TRIM3: variants seen among roughly 807,000 people sequenced by gnomAD.
TRIM3 encodes the protein tripartite motif-containing protein 3.
Under a neutral mutation model 66.6 loss-of-function variants are expected in TRIM3, and 13 were observed. The ratio of observed to expected loss-of-function variants is 0.20; its 90% CI spans 0.13 to 0.31. The LOEUF is 0.31. TRIM3 is among the 10% of genes least tolerant of loss of function. TRIM3 has a pLI of 1.00. For missense variants in TRIM3, 711 were observed against 1,020.4 expected (o/e 0.70, Z 4.13); for synonymous variants, 406 against 411.7 (o/e 0.99, Z 0.17).
intron 1 of TRIM3, among the ~76,000 whole-genome samples, chr11:6,470,077 C>T (rs1342296343): frequency 6.6e-6 from 1 of 152,054 alleles, no homozygotes; most frequent in Non-Finnish European, 1.5e-5. Context: ...AAGGATTTAT[C>T]CAAAAAGCAA....
chr11:6,451,782 G>C (rs1849731491), intron 7 of TRIM3: 1 of 283,822 alleles, frequency 3.5e-6, no homozygotes, highest in Non-Finnish European at 6.8e-6. Context: ...ATTGTAAAAG[G>C]CACAAAGTCC....
intron 1 of TRIM3, 105 bp from the exon 2 acceptor site, chr11:6,465,837 G>T: frequency 1.0e-6 from 1 of 998,890 alleles, no homozygotes; most frequent in Non-Finnish European, 1.5e-6. Context: ...CCTCTTCCCT[G>T]CTAGGGGCAA....
Position 6,456,057 on chromosome 11 carries a change from G to A in TRIM3, c.1533+15C>T, listed in dbSNP as rs200528455. 21 of 1,611,922 alleles carry A rather than the reference G, an allele frequency of 1.3e-5. No individual in the cohort carries two copies. The East Asian group carries it at 1.3e-4, about 10-fold the overall frequency. On this transcript the variant is annotated intron_variant, in intron 7 of 11. Transcript: ENST00000345851. This position sits in a 1 kb window ranked among gnomAD's most constrained non-coding sequence, Gnocchi z 6.4. ...TCTTATTTTGGTGGTGGAGGAGAGC[G>A]GTAAAGGTGCTTACCTGAATACACT...
chr11:6,454,386 C>CAAAA lies in TRIM3; in HGVS notation c.1533+1682_1533+1685dup, dbSNP rs10665333. ...AGCCTGGACAACAGAGACCCTGTCTCAAAAAAAAAAAAAAAAACTATGAGG... is the reference window on the plus strand; with the variant it reads ...AGCCTGGACAACAGAGACCCTGTCTCAAAAAAAAAAAAAAAAAAAAACTATGAGG... On this transcript the variant is annotated intron_variant, in intron 7 of 11. Coordinates refer to ENST00000345851, the MANE Select transcript of TRIM3 (RefSeq NM_033278.4). 1.9e-4 allele frequency among the ~76,000 whole-genome samples: 24 copies of CAAAA among 129,210 alleles called. 1 individual carries two copies. The highest frequency in any genetic ancestry group is 4.6e-4 in the African/African-American group (16 of 34,890). 84.8% of individuals were successfully genotyped at this position (129,210 alleles called of 152,430 possible). A position where few individuals can be genotyped will look rare whatever the true frequency, so the allele number is the denominator to read the frequency against.
In TRIM3 at chr11:6,457,377, G is replaced by A. The variant is rs752478685; in HGVS notation, c.615C>T (p.Phe205=). The change falls in exon 5 of 12, where the codon TTC becomes TTT. Residue 205 remains phenylalanine (F), a synonymous_variant. Coordinates refer to ENST00000345851, the MANE Select transcript of TRIM3 (RefSeq NM_033278.4). The surrounding 1 kb of genome is among the most constrained non-coding windows in gnomAD (Gnocchi z 4.5). ...GCTGCAGTGCTTGCTCCAGGTCCTC[G>A]AACGCTGCACTGATCTGGGCCAGGG... ...AEALAQISAA[F]EDLEQALQQR... is the part of the protein sequence containing the mutation. 5 of 1,613,742 alleles carry A rather than the reference G, an allele frequency of 3.1e-6. No individual in the cohort carries two copies. Among genetic ancestry groups the A allele is most frequent in the East Asian group, 2.2e-5 (1 of 44,890 alleles).
At chr11:6,471,221 T>A (rs1002217588) in intron 1 of TRIM3, among the ~76,000 whole-genome samples, 2 of 152,220 alleles carry the variant, frequency 1.3e-5, no homozygotes, top group Admixed American at 6.5e-5. Context: ...AGTTACACAG[T>A]TGTGAATGGA....
Position 6,458,495 on chromosome 11 carries a change from GA to G in TRIM3, c.132-200del. The stretch of plus-strand genomic sequence containing the variant: ...TTACAACTGAGTAGGAACACACCCC[GA>G]CCCCTCTCAGAAGAGCAGACTATCC... On this transcript the variant is annotated intron_variant, in intron 2 of 11. Coordinates refer to ENST00000345851, the MANE Select transcript of TRIM3 (RefSeq NM_033278.4). The surrounding 1 kb of genome is among the most constrained non-coding windows in gnomAD (Gnocchi z 6.2). Among the ~76,000 whole-genome samples, 1 of 152,158 alleles carries G rather than the reference GA, an allele frequency of 6.6e-6. No homozygotes were observed. The highest frequency in any genetic ancestry group is 1.9e-4 in the East Asian group (1 of 5,184).
rs535656209 is a variant in TRIM3, at chr11:6,450,434, T to C, written c.1941+117A>G. 1.4e-5 allele frequency: 12 copies of C among 885,354 alleles called. No individual in the cohort carries two copies. The African/African-American group carries it at 1.8e-4, about 13-fold the overall frequency. 54.8% of individuals were successfully genotyped at this position (885,354 alleles called of 1,614,324 possible). A position where few individuals can be genotyped will look rare whatever the true frequency, so the allele number is the denominator to read the frequency against. On this transcript the variant is annotated intron_variant, in intron 10 of 11. Coordinates refer to ENST00000345851, the MANE Select transcript of TRIM3 (RefSeq NM_033278.4). The surrounding 1 kb of genome is among the most constrained non-coding windows in gnomAD (Gnocchi z 4.8). ...GCAGCCATGCATAAATGTGTAAATG[T>C]GTATTGTTTGAGTGAATGATCTCAA...
intron 1 of TRIM3, among the ~76,000 whole-genome samples, chr11:6,470,716 G>T (rs568635626): frequency 6.6e-6 from 1 of 152,324 alleles, no homozygotes; most frequent in African/African-American, 2.4e-5. Context: ...TGCAGAGATG[G>T]TTCCTGAAGC....
At position 6,465,792 on chromosome 11, in the gene TRIM3, C is replaced by T. The variant is rs571565906; in HGVS notation, c.-37-60G>A. On this transcript the variant is annotated intron_variant, in intron 1 of 11. Transcript: ENST00000345851. ...GAACTTCTTCTCCCCACCCAATCCC[C>T]GCCACTCAAATCCCCTGCAGAGAAC... is the stretch of plus-strand genomic sequence containing the variant. 1.3e-5 allele frequency: 19 copies of T among 1,495,746 alleles called. No homozygotes were observed. The Admixed American group carries it at 2.1e-4, about 17-fold the overall frequency. 92.7% of individuals were successfully genotyped at this position (1,495,746 alleles called of 1,614,324 possible). A position where few individuals can be genotyped will look rare whatever the true frequency, so the allele number is the denominator to read the frequency against.
At chr11:6,462,306 C>G (rs1850281429) in intron 2 of TRIM3, among the ~76,000 whole-genome samples, 1 of 152,224 alleles carries the variant, frequency 6.6e-6, no homozygotes, top group Non-Finnish European at 1.5e-5. Flanking sequence ...CCAAGGGATA[C>G]ATGAATGAAT....
chr11:6,464,623 T>C (rs1170638848), intron 2 of TRIM3, among the ~76,000 whole-genome samples: 1 of 152,254 alleles, frequency 6.6e-6, no homozygotes, highest in African/African-American at 2.4e-5. Flanking sequence ...CCTACTTGAT[T>C]GTTACCCATT....
At position 6,450,686 on chromosome 11, in the gene TRIM3, C is replaced by T; in HGVS notation, c.1871-65G>A. The T allele has an allele frequency of 6.5e-7, 1 of 1,531,250 alleles. No homozygotes were observed. Among genetic ancestry groups the T allele is most frequent in the East Asian group, 2.2e-5 (1 of 44,472 alleles). 94.9% of individuals were successfully genotyped at this position (1,531,250 alleles called of 1,614,324 possible). A position where few individuals can be genotyped will look rare whatever the true frequency, so the allele number is the denominator to read the frequency against. On this transcript the variant is annotated intron_variant, in intron 9 of 11. Coordinates refer to ENST00000345851, the MANE Select transcript of TRIM3 (RefSeq NM_033278.4). This position sits in a 1 kb window ranked among gnomAD's most constrained non-coding sequence, Gnocchi z 4.8. ...TGCTGAGTGGGATGGGGAAGAGTATCTGGGAAGATAAAAGCTAGGGTGTTA... is the reference window on the plus strand; with the variant it reads ...TGCTGAGTGGGATGGGGAAGAGTATTTGGGAAGATAAAAGCTAGGGTGTTA...
At chr11:6,473,397 G>A (rs1850783442) in intron 1 of TRIM3, 1 of 151,250 alleles carries the variant, frequency 6.6e-6, no homozygotes, top group Admixed American at 6.6e-5. Flanking sequence ...GGGGGAGCAA[G>A]GGGTGGAGGT....
At chr11:6,472,347 C>A (rs549417672) in intron 1 of TRIM3, among the ~76,000 whole-genome samples, 24 of 152,334 alleles carry the variant, frequency 1.6e-4, no homozygotes, top group African/African-American at 5.5e-4. Context: ...TCTTGTACTA[C>A]CTCGATGATT....
chr11:6,459,109 G>C (rs534094887), intron 2 of TRIM3, among the ~76,000 whole-genome samples: 1 of 152,314 alleles, frequency 6.6e-6, no homozygotes, highest in East Asian at 1.9e-4. Context: ...TCAGAGAGTT[G>C]ATGCAAACTA....
chr11:6,450,905 G>A lies in TRIM3; in HGVS notation c.1857C>T (p.Asp619=). The change falls in exon 9 of 12, where the codon GAC becomes GAT. Residue 619 remains aspartate (D), a synonymous_variant. Transcript: ENST00000345851. This position sits in a 1 kb window ranked among gnomAD's most constrained non-coding sequence, Gnocchi z 4.8. ...VGRFGGRGAT[D]RHFAGPHFVA... ...GTCCCCCTATACCTGCAAAGTGGCG[G>A]TCAGTGGCCCCACGGCCCCCAAAAC... 6.2e-7 allele frequency: 1 copy of A among 1,614,188 alleles called. No homozygotes were observed. The highest frequency in any genetic ancestry group is 8.5e-7 in the Non-Finnish European group (1 of 1,180,018).
chr11:6,465,022 C>G (rs1471997182), intron 2 of TRIM3, among the ~76,000 whole-genome samples: 4 of 142,368 alleles, frequency 2.8e-5, no homozygotes, highest in Admixed American at 2.1e-4. Flanking sequence ...GAGTAAGGAT[C>G]TTATCTGTTT....
chr11:6,455,946 TTAAGGAACGGTACTATCTG>T (rs139873545), intron 7 of TRIM3, 107 bp downstream of exon 7: 221,733 of 1,001,134 alleles, frequency 0.22, 22,496 homozygotes, highest in African/African-American at 0.3. Flanking sequence ...TTCACTGCTC[TTAAGGAACGGTACTATCTG>T]TAGGGTTCCA....
Sources: allele counts gnomAD v4.1 joint callset (sites outside exome capture counted in the v4.1 genomes callset), GRCh38; gene constraint gnomAD v4.1.1; non-coding constraint Gnocchi (gnomAD v3.1); transcripts MANE v1.5; gene names NCBI Gene and HGNC (gene_info 2026-07-23, HGNC 2026-07-21).